The following SPECC1L variants were observed in gnomAD, a reference collection of about 807,000 sequenced individuals.
SPECC1L encodes cytospin-A.
Under a neutral mutation model 116.8 loss-of-function variants are expected in SPECC1L, and 40 were observed. The ratio of observed to expected loss-of-function variants is 0.34; its 90% CI spans 0.27 to 0.45. The LOEUF is 0.45. Among genes scored for constraint, SPECC1L ranks in the 20% least tolerant of loss-of-function variants. The probability of loss-of-function intolerance (pLI) is 1.00; values close to 1 mark genes in which losing one functional copy is unlikely to be tolerated. For synonymous variants in SPECC1L, 504 were observed against 500.6 expected (o/e 1.01, Z -0.09); for missense variants, 1,110 against 1,373.6 (o/e 0.81, Z 3.03).
At chr22:24,296,843 A>G (rs563130561) in intron 2 of SPECC1L, among the ~76,000 whole-genome samples, 1 of 152,204 alleles carries the variant, frequency 6.6e-6, no homozygotes, top group East Asian at 1.9e-4. Flanking sequence ...GGTGGGTGCT[A>G]TAGGCATTTA....
intron 16 of SPECC1L, among the ~76,000 whole-genome samples, chr22:24,413,170 G>A (rs1029518327): frequency 3.9e-4 from 59 of 152,318 alleles, no homozygotes; most frequent in African/African-American, 1.2e-3. Context: ...AGGCTGGACC[G>A]GGGAGGCTCC....
Position 24,302,223 on chromosome 22 carries a change from C to T in SPECC1L, c.-9C>T, listed in dbSNP as rs750770816. On this transcript the variant is annotated 5_prime_UTR_variant, in exon 3 of 17. Coordinates refer to ENST00000314328, the MANE Select transcript of SPECC1L (RefSeq NM_015330.6). ...TGCTTGTAAATGCATCACGAAGAGGCAGCCCAGAATGAAGAAAGCAAGCAG... is the reference window on the plus strand; with the variant it reads ...TGCTTGTAAATGCATCACGAAGAGGTAGCCCAGAATGAAGAAAGCAAGCAG... 9 of 1,613,794 alleles carry T rather than the reference C, an allele frequency of 5.6e-6. No individual in the cohort carries two copies. The highest frequency in any genetic ancestry group is 1.7e-6 in the Non-Finnish European group (2 of 1,179,974).
Position 24,322,627 on chromosome 22 carries a change from G to A in SPECC1L, c.1647G>A (p.Glu549=). 6.2e-7 allele frequency: 1 copy of A among 1,614,126 alleles called. No individual in the cohort carries two copies. The highest frequency in any genetic ancestry group is 8.5e-7 in the Non-Finnish European group (1 of 1,180,006). Residue 549 remains glutamate (E), a synonymous_variant, in exon 5 of 17, where the codon GAG becomes GAA. Coordinates refer to ENST00000314328, the MANE Select transcript of SPECC1L (RefSeq NM_015330.6). Reference sequence around the variant, plus strand: ...GTCACCATATGGAGCGAATTATTGAGTCTGAGCAGAAAGGAAAAGCAGCCT... The same window carrying A: ...GTCACCATATGGAGCGAATTATTGAATCTGAGCAGAAAGGAAAAGCAGCCT... The part of the protein sequence containing the change: ...ERSHHMERII[E]SEQKGKAALA...
rs1355091011 is a variant in SPECC1L at position 24,270,983 on chromosome 22, G to A, written c.-142G>A. 6.6e-6 allele frequency: 1 copy of A among 152,302 alleles called. No homozygotes were observed. Among genetic ancestry groups the A allele is most frequent in the Non-Finnish European group, 1.5e-5 (1 of 68,106 alleles). 9.4% of individuals were successfully genotyped at this position (152,302 alleles called of 1,614,324 possible). A position where few individuals can be genotyped will look rare whatever the true frequency, so the allele number is the denominator to read the frequency against. On this transcript the variant is annotated splice_region_variant and 5_prime_UTR_variant, in exon 1 of 17. It adds an upstream start codon to the 5' untranslated region. Transcript: ENST00000314328. ...GCGAGGGAGCGATGCGGTGCAGCGC[G>A]GTAAGAGCAGCAGCCGGGTTCCCGC...
chr22:24,372,400 G>A (rs5760372), intron 14 of SPECC1L, among the ~76,000 whole-genome samples: 2 of 152,112 alleles, frequency 1.3e-5, no homozygotes, highest in African/African-American at 4.8e-5. Flanking sequence ...ACTGGCAAAC[G>A]AAATCCAGCT....
intron 11 of SPECC1L, among the ~76,000 whole-genome samples, chr22:24,351,625 G>C (rs1008813613): frequency 2.0e-5 from 3 of 152,120 alleles, no homozygotes; most frequent in Non-Finnish European, 4.4e-5. Context: ...CTATATCACA[G>C]TAGTTGATAC....
At chr22:24,278,996 C>G (rs903514677) in intron 2 of SPECC1L, among the ~76,000 whole-genome samples, 9 of 152,172 alleles carry the variant, frequency 5.9e-5, no homozygotes, top group African/African-American at 1.7e-4. Flanking sequence ...AATAGACACT[C>G]TTCACAAAAG....
chr22:24,343,930 C>T (rs940884774), intron 10 of SPECC1L, among the ~76,000 whole-genome samples: 27 of 152,102 alleles, frequency 1.8e-4, no homozygotes, highest in African/African-American at 6.3e-4. Context: ...TTACAACTTC[C>T]TGGGAATCCA....
At chr22:24,277,757 C>A (rs1435094127) in intron 2 of SPECC1L, among the ~76,000 whole-genome samples, 1 of 152,184 alleles carries the variant, frequency 6.6e-6, no homozygotes, top group South Asian at 2.1e-4. Context: ...ATCAGTTGTT[C>A]ATGCTTTATT....
rs536027764 is a variant in SPECC1L, at chr22:24,411,309, G to C, written c.3088-279G>C. 3.9e-5 allele frequency among the ~76,000 whole-genome samples: 6 copies of C among 152,284 alleles called. No individual in the cohort carries two copies. The East Asian group carries it at 1.2e-3, about 29-fold the overall frequency. On this transcript the variant is annotated intron_variant, in intron 14 of 16. Coordinates refer to ENST00000314328, the MANE Select transcript of SPECC1L (RefSeq NM_015330.6). ...GTAGAGGCCAGCTTCAGCAGCCTAG[G>C]GTCCTCTCTTTGTATGCAACAGCTA... is the stretch of plus-strand genomic sequence containing the variant.
chr22:24,373,368 C>A (rs1464579841), intron 14 of SPECC1L, among the ~76,000 whole-genome samples: 1 of 152,210 alleles, frequency 6.6e-6, no homozygotes, highest in Non-Finnish European at 1.5e-5. Context: ...TACCTGACTT[C>A]AAACTATACT....
Position 24,416,664 on chromosome 22 carries a change from G to C in SPECC1L, c.*2041G>C, listed in dbSNP as rs574305663. The C allele has an allele frequency of 1.3e-5, 2 of 152,398 alleles. No individual in the cohort carries two copies. Among genetic ancestry groups the C allele is most frequent in the East Asian group, 3.9e-4 (2 of 5,180 alleles). The allele number at this position is 152,398 out of a possible 1,614,324, so 9.4% of individuals were successfully genotyped here. ...CCCTAAGAATGAGGGGGCTTCCCCT[G>C]GTCTGCAGTTCCCAACTTTATCCCT... On this transcript the variant is annotated 3_prime_UTR_variant, in exon 17 of 17. Coordinates refer to ENST00000314328, the MANE Select transcript of SPECC1L (RefSeq NM_015330.6).
chr22:24,397,356 A>C (rs2042388515), intron 14 of SPECC1L, among the ~76,000 whole-genome samples: 1 of 152,214 alleles, frequency 6.6e-6, no homozygotes, highest in African/African-American at 2.4e-5. Context: ...GGTGCATTTC[A>C]TATCCAGGCT....
Position 24,406,594 on chromosome 22 carries a change from A to AG in SPECC1L, c.3088-4989dup, listed in dbSNP as rs2042595651. Among the ~76,000 whole-genome samples, 4 of 152,074 alleles carry AG rather than the reference A, an allele frequency of 2.6e-5. No individual in the cohort carries two copies. In the South Asian group the frequency reaches 8.3e-4, roughly 32 times the overall value. Reference sequence around the variant, plus strand: ...GTGTGCATGGTGGCGGCTGGCAGGTAGGGGGTGGAGAAGGCCTCACTGGGT... The same window carrying AG: ...GTGTGCATGGTGGCGGCTGGCAGGTAGGGGGGTGGAGAAGGCCTCACTGGGT... On this transcript the variant is annotated intron_variant, in intron 14 of 16. Coordinates refer to ENST00000314328, the MANE Select transcript of SPECC1L (RefSeq NM_015330.6).
intron 6 of SPECC1L, among the ~76,000 whole-genome samples, chr22:24,326,231 G>A (rs956924162): frequency 6.6e-6 from 1 of 152,136 alleles, no homozygotes; most frequent in African/African-American, 2.4e-5. Flanking sequence ...ACGCCTGACC[G>A]CCTGTTTTGA....
Position 24,414,626 on chromosome 22 carries a change from A to G in SPECC1L, c.*3A>G, listed in dbSNP as rs2042768578. ...TCTACAAGTACTTTGAGACCTGAGC[A>G]TGCCGGGAGGAGCCGCCCCAATAGC... On this transcript the variant is annotated 3_prime_UTR_variant, in exon 17 of 17. Coordinates refer to ENST00000314328, the MANE Select transcript of SPECC1L (RefSeq NM_015330.6). 6.2e-7 allele frequency: 1 copy of G among 1,613,654 alleles called. No homozygotes were observed.
chr22:24,399,692 A>G (rs937238731), intron 14 of SPECC1L, among the ~76,000 whole-genome samples: 6 of 152,190 alleles, frequency 3.9e-5, no homozygotes, highest in African/African-American at 1.4e-4. Context: ...CTTTGAGCAT[A>G]TGGGGCAACG....
chr22:24,273,868 C>G (rs988416539), intron 1 of SPECC1L, among the ~76,000 whole-genome samples: 1 of 152,242 alleles, frequency 6.6e-6, no homozygotes, highest in African/African-American at 2.4e-5. Context: ...AAGCGATTCT[C>G]CTGCCTCAGC....
chr22:24,379,962 G>GCATCTC (rs1357329685), intron 14 of SPECC1L, among the ~76,000 whole-genome samples: 3 of 152,154 alleles, frequency 2.0e-5, no homozygotes, highest in Admixed American at 2.0e-4. Flanking sequence ...CTCCTGGGAT[G>GCATCTC]CATCTCCATC....
Sources: gnomAD v4.1 joint callset for allele counts (sites outside exome capture counted in the v4.1 genomes callset) on GRCh38, gnomAD v4.1.1 for gene constraint, MANE v1.5 for transcripts, NCBI Gene and HGNC (gene_info 2026-07-23, HGNC 2026-07-21) for gene names.